RIOK1: variants seen among roughly 807,000 people sequenced by gnomAD.
The protein encoded by RIOK1 is serine/threonine-protein kinase RIO1.
A neutral mutation model predicts 73.5 loss-of-function variants in RIOK1; 66 were observed. The ratio of observed to expected loss-of-function variants is 0.90; its 90% CI spans 0.74 to 1.10. The LOEUF (loss-of-function observed/expected upper bound fraction) is 1.10, where lower values mean the gene tolerates loss of function less well. Among genes scored for constraint, RIOK1 ranks in the 50% least tolerant of loss-of-function variants. RIOK1 has a pLI of 0.00. For synonymous variants in RIOK1, 224 were observed against 226.8 expected, an observed-to-expected ratio of 0.99 and a Z score of 0.11; for missense variants, 658 against 699.8, an observed-to-expected ratio of 0.94 and a Z score of 0.67.
chr6:7,402,981 T>A, intron 8 of RIOK1, 84 bp downstream of exon 8: 1 of 1,264,850 alleles, frequency 7.9e-7, no homozygotes. Context: ...CCAGTGTGGT[T>A]CTGCCCAAAT....
intron 1 of RIOK1, among the ~76,000 whole-genome samples, chr6:7,392,603 G>A (rs1419436288): frequency 6.6e-6 from 1 of 151,472 alleles, no homozygotes; most frequent in Non-Finnish European, 1.5e-5. Flanking sequence ...CACTGCAGCC[G>A]TGAACTCCTG....
intron 6 of RIOK1, among the ~76,000 whole-genome samples, chr6:7,402,328 CT>C: frequency 6.6e-6 from 1 of 152,188 alleles, no homozygotes; most frequent in East Asian, 1.9e-4. Flanking sequence ...GTAAAAATAC[CT>C]GTTATAGTCT....
chr6:7,400,239 G>T (rs373209095), intron 5 of RIOK1, among the ~76,000 whole-genome samples: 1 of 152,192 alleles, frequency 6.6e-6, no homozygotes, highest in East Asian at 1.9e-4. Flanking sequence ...ATAAATATGT[G>T]TGAGCATTGT....
chr6:7,391,820 T>C (rs1394923488), intron 1 of RIOK1, among the ~76,000 whole-genome samples: 2 of 152,192 alleles, frequency 1.3e-5, no homozygotes, highest in Non-Finnish European at 2.9e-5. Flanking sequence ...GTTACAACTT[T>C]AACATGCCAC....
intron 16 of RIOK1, among the ~76,000 whole-genome samples, chr6:7,415,684 G>C (rs1333028982): frequency 6.6e-6 from 1 of 152,192 alleles, no homozygotes; most frequent in Admixed American, 6.5e-5. Flanking sequence ...TTCAGCAAGG[G>C]TTCCCCTGAA....
chr6:7,389,947 G>A lies in RIOK1; in HGVS notation c.-56G>A. On this transcript the variant is annotated 5_prime_UTR_variant, in exon 1 of 17. Coordinates refer to ENST00000379834, the MANE Select transcript of RIOK1 (RefSeq NM_031480.3). Reference sequence around the variant, plus strand: ...CTTTGGATCGGCCGTGGGTACATCCGTCTGAGCCGTTCCTTTCCATCGCAG... The same window carrying A: ...CTTTGGATCGGCCGTGGGTACATCCATCTGAGCCGTTCCTTTCCATCGCAG... 1 of 1,431,170 alleles carries A rather than the reference G, an allele frequency of 7.0e-7. No individual in the cohort carries two copies. The highest frequency in any genetic ancestry group is 2.5e-5 in the East Asian group (1 of 40,364). The allele number at this position is 1,431,170 out of a possible 1,614,324, so 88.7% of individuals were successfully genotyped here.
intron 15 of RIOK1, among the ~76,000 whole-genome samples, 196 bp downstream of exon 15, chr6:7,413,138 C>A (rs992777392): frequency 1.3e-5 from 2 of 152,108 alleles, no homozygotes; most frequent in African/African-American, 4.8e-5. Flanking sequence ...CTAAACACAG[C>A]ACTGAAATTT....
At chr6:7,408,887 A>T (rs1232657289) in intron 12 of RIOK1, among the ~76,000 whole-genome samples, 2 of 148,116 alleles carry the variant, frequency 1.4e-5, no homozygotes, top group African/African-American at 5.0e-5. Context: ...ATGCCCAGCT[A>T]ATTTTGTATT....
rs762299329 is a variant in RIOK1 at position 7,402,599 on chromosome 6, A to G, written c.574-4A>G. The G allele has an allele frequency of 1.1e-5, 18 of 1,566,472 alleles. No homozygotes were observed. Among genetic ancestry groups the G allele is most frequent in the Non-Finnish European group, 1.5e-5 (18 of 1,162,442 alleles). On this transcript the variant is annotated splice_region_variant and splice_polypyrimidine_tract_variant and intron_variant, in intron 6 of 16. Transcript: ENST00000379834. ...CATTTTCTTTTTTTTTTGACTTAATATAGGCTAATGTATACCATGCTAGCA... is the reference window on the plus strand; with the variant it reads ...CATTTTCTTTTTTTTTTGACTTAATGTAGGCTAATGTATACCATGCTAGCA...
At chr6:7,408,021 G>T (rs1234051441) in intron 12 of RIOK1, among the ~76,000 whole-genome samples, 2 of 152,124 alleles carry the variant, frequency 1.3e-5, no homozygotes, top group Admixed American at 6.6e-5. Context: ...TGGCATGTAT[G>T]CCTCTACACA....
rs767221099 is a variant in RIOK1 at position 7,414,294 on chromosome 6, T to C, written c.1500T>C (p.Asp500=). Residue 500 remains aspartate, a synonymous_variant, in exon 16 of 17, where the codon GAT becomes GAC. Transcript: ENST00000379834. Reference sequence around the variant, plus strand: ...AAAGGACTTGTTCTGATTCAGAAGATATTGGAAGCTCTGAGTGCTCTGACA... The same window carrying C: ...AAAGGACTTGTTCTGATTCAGAAGACATTGGAAGCTCTGAGTGCTCTGACA... ...VEERTCSDSE[D]IGSSECSDTD... 6.8e-6 allele frequency: 11 copies of C among 1,613,896 alleles called. No individual in the cohort carries two copies. The highest frequency in any genetic ancestry group is 8.5e-6 in the Non-Finnish European group (10 of 1,179,976).
rs116455594 is a variant in RIOK1, at chr6:7,414,345, T to C, written c.1551T>C (p.His517=). The part of the protein sequence containing the change: ...SDTDSEEQGD[H]ARPKKHTTDP... ...CAGACTCTGAAGAGCAGGGAGACCA[T>C]GCCCGCCCCAAGAAACACACCACGG... Residue 517 remains histidine (H), a synonymous_variant, in exon 16 of 17, where the codon CAT becomes CAC. Coordinates refer to ENST00000379834, the MANE Select transcript of RIOK1 (RefSeq NM_031480.3). 6.2e-7 allele frequency: 1 copy of C among 1,613,428 alleles called. No individual in the cohort carries two copies. Among genetic ancestry groups the C allele is most frequent in the Non-Finnish European group, 8.5e-7 (1 of 1,179,830 alleles).
At position 7,395,033 on chromosome 6, in the gene RIOK1, A is replaced by T. The variant is rs1209124964; in HGVS notation, c.277-20A>T. 1 of 1,613,108 alleles carries T rather than the reference A, an allele frequency of 6.2e-7. No homozygotes were observed. Among genetic ancestry groups the T allele is most frequent in the South Asian group, 1.1e-5 (1 of 90,896 alleles). On this transcript the variant is annotated intron_variant, in intron 2 of 16. Transcript: ENST00000379834. ...TTTGTTTTTACAGCTAGTGCCTTAG[A>T]CTCTGGAATTCCCTTCTAGGCAAAT...
intron 5 of RIOK1, among the ~76,000 whole-genome samples, chr6:7,400,499 A>G (rs567153456): frequency 5.3e-5 from 8 of 152,322 alleles, no homozygotes; most frequent in Non-Finnish European, 1.2e-4. Context: ...TAGTGTCAAA[A>G]ACAAGGATTA....
intron 3 of RIOK1, 40 bp from the exon 4 acceptor site, chr6:7,396,663 T>C (rs951428582): frequency 1.1e-5 from 14 of 1,260,140 alleles, no homozygotes; most frequent in Non-Finnish European, 1.5e-5. Flanking sequence ...TGTCTTTTCG[T>C]CTTACATATT....
At chr6:7,403,309 C>A (rs970048818) in intron 8 of RIOK1, among the ~76,000 whole-genome samples, 2 of 152,198 alleles carry the variant, frequency 1.3e-5, no homozygotes, top group African/African-American at 4.8e-5. Context: ...TTCGACTAAT[C>A]TTGTTAGGTC....
At chr6:7,400,313 C>T (rs896799762) in intron 5 of RIOK1, among the ~76,000 whole-genome samples, 4 of 152,088 alleles carry the variant, frequency 2.6e-5, no homozygotes, top group African/African-American at 9.7e-5. Context: ...AAAACCCATT[C>T]TTAACTTGCA....
chr6:7,413,013 G>T, intron 15 of RIOK1, 71 bp downstream of exon 15: 2 of 725,914 alleles, frequency 2.8e-6, no homozygotes, highest in Non-Finnish European at 4.4e-6. Flanking sequence ...TAGTCATACT[G>T]TTTTTTATTA....
intron 1 of RIOK1, among the ~76,000 whole-genome samples, chr6:7,392,223 A>G (rs1295834411): frequency 6.8e-6 from 1 of 146,944 alleles, no homozygotes; most frequent in African/African-American, 2.5e-5. Context: ...TGGTAACACT[A>G]GGCCTGAATT....
Sources: allele counts gnomAD v4.1 joint callset (sites outside exome capture counted in the v4.1 genomes callset), GRCh38; gene constraint gnomAD v4.1.1; transcripts MANE v1.5; gene names NCBI Gene and HGNC (gene_info 2026-07-23, HGNC 2026-07-21).